Variants in CACNB2 observed in about 807,000 individuals in gnomAD.
CACNB2 encodes the protein voltage-dependent L-type calcium channel subunit beta-2.
A neutral mutation model predicts 73.3 loss-of-function variants in CACNB2; 42 were observed. The observed-to-expected ratio is 0.57, with a 90% CI of 0.45 to 0.74. The LOEUF (loss-of-function observed/expected upper bound fraction) is 0.74. CACNB2 is among the 30% of genes least tolerant of loss of function. The pLI, the probability that CACNB2 is intolerant of heterozygous loss-of-function variation, is 0.00. For missense variants in CACNB2, 940 were observed against 853.0 expected (o/e 1.10, Z -1.27); for synonymous variants, 348 against 310.3 (o/e 1.12, Z -1.28).
chr10:18,163,026 G>T (rs1009720811), intron 2 of CACNB2, among the ~76,000 whole-genome samples: 21 of 152,266 alleles, frequency 1.4e-4, no homozygotes, highest in Non-Finnish European at 2.9e-4. Context: ...ACCAGGCCAT[G>T]AAGGACCTCC....
In CACNB2 at chr10:18,169,375, A is replaced by G. The variant is rs1463639745; in HGVS notation, c.213+18400A>G. Among the ~76,000 whole-genome samples, 4 of 152,156 alleles carry G rather than the reference A, an allele frequency of 2.6e-5. No homozygotes were observed. In the East Asian group the frequency reaches 7.7e-4, roughly 29 times the overall value. ...ACTCTCATTCTTGTTTTATGTTTAC[A>G]AATAGGTTTCTTCTGATTACAAAAG... On this transcript the variant is annotated intron_variant, in intron 2 of 13. Coordinates refer to ENST00000324631, the MANE Select transcript of CACNB2 (RefSeq NM_201596.3).
intron 6 of CACNB2, among the ~76,000 whole-genome samples, chr10:18,507,108 T>C (rs1425149329): frequency 1.3e-5 from 2 of 152,188 alleles, no homozygotes; most frequent in African/African-American, 4.8e-5. Flanking sequence ...CATATTAACC[T>C]TTAATCCCTA....
At chr10:18,210,789 A>C (rs1029886842) in intron 2 of CACNB2, among the ~76,000 whole-genome samples, 3 of 152,194 alleles carry the variant, frequency 2.0e-5, no homozygotes, top group Non-Finnish European at 2.9e-5. Flanking sequence ...AAGGAACTTA[A>C]ATGCTTTTAA....
intron 3 of CACNB2, among the ~76,000 whole-genome samples, chr10:18,471,233 G>T (rs1214089638): frequency 6.6e-6 from 1 of 152,154 alleles, no homozygotes; most frequent in East Asian, 1.9e-4. Flanking sequence ...TTGAACCCAG[G>T]AGGCGGAGGT....
chr10:18,386,015 G>A (rs1024702326), intron 2 of CACNB2, among the ~76,000 whole-genome samples: 4 of 152,192 alleles, frequency 2.6e-5, no homozygotes, highest in Middle Eastern at 3.4e-3. Context: ...ATGGATCAAA[G>A]GTAGGTTTTC....
chr10:18,172,924 C>CTTTTTTTTTTTTTT lies in CACNB2; in HGVS notation c.213+21951_213+21964dup, dbSNP rs58345605. Among the ~76,000 whole-genome samples the CTTTTTTTTTTTTTT allele has an allele frequency of 7.7e-5, 9 of 117,466 alleles. 1 individual carries two copies. Among genetic ancestry groups the CTTTTTTTTTTTTTT allele is most frequent in the African/African-American group, 2.3e-4 (7 of 30,076 alleles). 77.1% of individuals were successfully genotyped at this position (117,466 alleles called of 152,430 possible). A position where few individuals can be genotyped will look rare whatever the true frequency, so the allele number is the denominator to read the frequency against. ...CTTCAAATAGGGAAAATAATAAGGC[C>CTTTTTTTTTTTTTT]TTTTTTTTTTTTTTTAAATGGAGTT... On this transcript the variant is annotated intron_variant, in intron 2 of 13. Coordinates refer to ENST00000324631, the MANE Select transcript of CACNB2 (RefSeq NM_201596.3).
At chr10:18,144,171 G>T (rs2030723660) in intron 1 of CACNB2, among the ~76,000 whole-genome samples, 1 of 152,140 alleles carries the variant, frequency 6.6e-6, no homozygotes, top group South Asian at 2.1e-4. Context: ...TCCACCTCCT[G>T]GTTTCAAGCA....
intron 3 of CACNB2, among the ~76,000 whole-genome samples, chr10:18,444,605 AAGC>A (rs1348352770): frequency 1.3e-5 from 2 of 152,312 alleles, no homozygotes; most frequent in East Asian, 3.9e-4. Context: ...GGAAAAAAGT[AAGC>A]AGGACTGCAA....
chr10:18,379,215 T>C (rs922143474), intron 2 of CACNB2, among the ~76,000 whole-genome samples: 1 of 152,188 alleles, frequency 6.6e-6, no homozygotes, highest in African/African-American at 2.4e-5. Flanking sequence ...TTTATTTATT[T>C]ATTTTTTGTT....
chr10:18,155,394 TG>T (rs1406560143), intron 2 of CACNB2, among the ~76,000 whole-genome samples: 2 of 152,240 alleles, frequency 1.3e-5, no homozygotes, highest in Non-Finnish European at 2.9e-5. Flanking sequence ...TGGTTGATTT[TG>T]GTTTGTTGGT....
At chr10:18,395,441 C>A (rs1346446796) in intron 2 of CACNB2, among the ~76,000 whole-genome samples, 1 of 151,724 alleles carries the variant, frequency 6.6e-6, no homozygotes, top group African/African-American at 2.4e-5. Context: ...TTTTCTGGTG[C>A]CTTTTAAAAA....
At chr10:18,343,732 A>G (rs1342803238) in intron 2 of CACNB2, among the ~76,000 whole-genome samples, 2 of 152,202 alleles carry the variant, frequency 1.3e-5, no homozygotes, top group Non-Finnish European at 2.9e-5. Context: ...ATATTGGAGG[A>G]CAGGGAGAGA....
intron 2 of CACNB2, chr10:18,340,827 A>G: frequency 6.2e-7 from 1 of 1,612,352 alleles, no homozygotes. Context: ...TATGCTGTTC[A>G]GCAAAGCAAG....
intron 2 of CACNB2, among the ~76,000 whole-genome samples, chr10:18,304,913 A>G (rs1433704342): frequency 6.6e-6 from 1 of 152,202 alleles, no homozygotes; most frequent in Admixed American, 6.5e-5. Flanking sequence ...TTTCCTCTGC[A>G]GAAAGATGTG....
chr10:18,361,175 G>C lies in CACNB2; in HGVS notation c.214-40749G>C, dbSNP rs539859351. The stretch of plus-strand genomic sequence containing the variant: ...GTCTTAGCATTCTCCTCTACTTCCC[G>C]GGCTCATCCATTACCTTTATGTAGC... On this transcript the variant is annotated intron_variant, in intron 2 of 13. Transcript: ENST00000324631. 3.7e-4 allele frequency among the ~76,000 whole-genome samples: 56 copies of C among 151,460 alleles called. 1 individual carries two copies. Among genetic ancestry groups the C allele is most frequent in the African/African-American group, 1.3e-3 (53 of 41,234 alleles).
chr10:18,372,858 G>A (rs1412634850), intron 2 of CACNB2, among the ~76,000 whole-genome samples: 2 of 152,192 alleles, frequency 1.3e-5, no homozygotes, highest in African/African-American at 2.4e-5. Context: ...CACATACTGG[G>A]AACAGCAGGT....
chr10:18,439,688 T>C (rs1377185340), intron 3 of CACNB2, among the ~76,000 whole-genome samples: 1 of 152,234 alleles, frequency 6.6e-6, no homozygotes, highest in Non-Finnish European at 1.5e-5. Flanking sequence ...GTTTATGCAG[T>C]TATAAATCAG....
chr10:18,393,285 C>T (rs1348218142), intron 2 of CACNB2, among the ~76,000 whole-genome samples: 2 of 151,956 alleles, frequency 1.3e-5, no homozygotes, highest in East Asian at 3.9e-4. Context: ...CATACACATA[C>T]ATAATGTTCT....
intron 2 of CACNB2, among the ~76,000 whole-genome samples, chr10:18,286,291 C>T (rs927196940): frequency 7.9e-5 from 12 of 151,802 alleles, no homozygotes; most frequent in East Asian, 1.9e-4. Context: ...CCAAGGCGGG[C>T]GGATCACGAG....
Sources: gnomAD v4.1 joint callset for allele counts (sites outside exome capture counted in the v4.1 genomes callset) on GRCh38, gnomAD v4.1.1 for gene constraint, MANE v1.5 for transcripts, NCBI Gene and HGNC (gene_info 2026-07-23, HGNC 2026-07-21) for gene names.